Variants in C8orf34 observed in about 807,000 individuals in gnomAD.
C8orf34 encodes uncharacterized protein C8orf34.
C8orf34 carries 65 observed loss-of-function variants against 68.3 expected under a neutral mutation model. The ratio of observed to expected loss-of-function variants is 0.95; its 90% CI spans 0.78 to 1.17. The LOEUF (loss-of-function observed/expected upper bound fraction) is 1.17. C8orf34 is among the 50% of genes most tolerant of loss of function. The pLI is 0.00. For missense variants in C8orf34, 664 were observed against 655.4 expected, an observed-to-expected ratio of 1.01 and a Z score of -0.14; for synonymous variants, 244 against 241.2, an observed-to-expected ratio of 1.01 and a Z score of -0.11.
intron 4 of C8orf34, among the ~76,000 whole-genome samples, chr8:68,469,319 G>T (rs892291839): frequency 6.6e-6 from 1 of 151,734 alleles, no homozygotes; most frequent in African/African-American, 2.4e-5. Flanking sequence ...GAGGGCCTAG[G>T]TTATGGTTTT....
chr8:68,585,547 T>C (rs1817184111), intron 7 of C8orf34, among the ~76,000 whole-genome samples: 1 of 152,172 alleles, frequency 6.6e-6, no homozygotes, highest in South Asian at 2.1e-4. Flanking sequence ...TTCTAAAGCC[T>C]AGTGGCTTAA....
Position 68,585,443 on chromosome 8 carries a change from ATAT to A in C8orf34, c.1105+52296_1105+52298del, listed in dbSNP as rs1817181621. Among the ~76,000 whole-genome samples, 4 of 152,200 alleles carry A rather than the reference ATAT, an allele frequency of 2.6e-5. No individual in the cohort carries two copies. In the South Asian group the frequency reaches 8.3e-4, roughly 31 times the overall value. ...GATTCTCATGTTGGATAAGAGGCAT[ATAT>A]TTGGTAAAATATTGAGATAGTTATG... On this transcript the variant is annotated intron_variant, in intron 7 of 13. Transcript: ENST00000518698.
chr8:68,808,106 C>A (rs970350570), intron 12 of C8orf34, among the ~76,000 whole-genome samples: 3 of 152,102 alleles, frequency 2.0e-5, no homozygotes, highest in Non-Finnish European at 2.9e-5. Context: ...GTGCTCATTT[C>A]TTTTTATTTC....
At chr8:68,700,378 C>T (rs769348182) in intron 8 of C8orf34, among the ~76,000 whole-genome samples, 2 of 151,918 alleles carry the variant, frequency 1.3e-5, no homozygotes, top group South Asian at 4.2e-4. Flanking sequence ...AGGATGAAAG[C>T]GAAGAGCGAG....
chr8:68,424,763 G>T (rs535020082), intron 1 of C8orf34, among the ~76,000 whole-genome samples: 5 of 152,120 alleles, frequency 3.3e-5, no homozygotes, highest in African/African-American at 1.2e-4. Flanking sequence ...AGCTGGGCGT[G>T]GTGGTGGGCG....
intron 12 of C8orf34, among the ~76,000 whole-genome samples, chr8:68,802,162 G>A (rs1223843573): frequency 6.6e-6 from 1 of 151,974 alleles, no homozygotes; most frequent in African/African-American, 2.4e-5. Context: ...ATGGAATGGT[G>A]CAATCTTGGC....
chr8:68,679,793 C>T (rs562968003), intron 8 of C8orf34, among the ~76,000 whole-genome samples: 2 of 152,198 alleles, frequency 1.3e-5, no homozygotes, highest in Admixed American at 6.5e-5. Context: ...AAAGTGAACT[C>T]GTTTTCAACA....
At chr8:68,331,516 A>C in intron 1 of C8orf34, 177 bp downstream of exon 1, 1 of 725,086 alleles carries the variant, frequency 1.4e-6, no homozygotes, top group Non-Finnish European at 2.3e-6. Flanking sequence ...GTGTCCTGGA[A>C]CGCGGCCGGG....
intron 7 of C8orf34, among the ~76,000 whole-genome samples, chr8:68,551,308 A>G (rs1049344587): frequency 6.6e-5 from 10 of 151,910 alleles, no homozygotes; most frequent in Admixed American, 6.6e-4. Flanking sequence ...GAGCTATCAA[A>G]GGTATTCTTC....
At chr8:68,342,469 TAC>T (rs1365113771) in intron 1 of C8orf34, among the ~76,000 whole-genome samples, 1 of 152,218 alleles carries the variant, frequency 6.6e-6, no homozygotes, top group Non-Finnish European at 1.5e-5. Flanking sequence ...ATTTATAGAA[TAC>T]AGAGCTCTCA....
intron 1 of C8orf34, 93 bp downstream of exon 1, chr8:68,331,432 G>A (rs1303094472): frequency 7.3e-7 from 1 of 1,363,978 alleles, no homozygotes; most frequent in African/African-American, 1.4e-5. Flanking sequence ...CCCTCCCAGG[G>A]AAGGAGGGCT....
intron 7 of C8orf34, among the ~76,000 whole-genome samples, chr8:68,537,383 C>T (rs961355394): frequency 1.1e-4 from 15 of 142,256 alleles, no homozygotes; most frequent in Non-Finnish European, 2.1e-4. Flanking sequence ...ATCAGGATAA[C>T]AGAAAAGTTA....
At chr8:68,371,438 CATCTT>C (rs141101314) in intron 1 of C8orf34, among the ~76,000 whole-genome samples, 26,475 of 151,878 alleles carry the variant, frequency 0.17, 3,253 homozygotes, top group African/African-American at 0.35. Flanking sequence ...TTCTATATGA[CATCTT>C]ATAAGAAACA....
chr8:68,664,824 T>G (rs1295360457), intron 8 of C8orf34, among the ~76,000 whole-genome samples: 1 of 152,124 alleles, frequency 6.6e-6, no homozygotes, highest in Non-Finnish European at 1.5e-5. Context: ...CCTGGGAGAT[T>G]CATATTTCAC....
chr8:68,693,870 C>T (rs1329848597), intron 8 of C8orf34, among the ~76,000 whole-genome samples: 1 of 151,974 alleles, frequency 6.6e-6, no homozygotes, highest in Non-Finnish European at 1.5e-5. Flanking sequence ...GTTGCAGCTC[C>T]CATCTGTTGT....
intron 8 of C8orf34, among the ~76,000 whole-genome samples, chr8:68,684,703 C>A (rs1820461172): frequency 6.6e-6 from 1 of 151,722 alleles, no homozygotes; most frequent in African/African-American, 2.4e-5. Flanking sequence ...GCATGTAAAT[C>A]GAGCTCATTT....
rs529574761 is a variant in C8orf34 at position 68,757,782 on chromosome 8, G to A, written c.1405-18617G>A. 2.0e-5 allele frequency among the ~76,000 whole-genome samples: 3 copies of A among 152,278 alleles called. No individual in the cohort carries two copies. The South Asian group carries it at 6.2e-4, about 32-fold the overall frequency. On this transcript the variant is annotated intron_variant, in intron 10 of 13. Coordinates refer to ENST00000518698, the MANE Select transcript of C8orf34 (RefSeq NM_052958.4). Reference sequence around the variant, plus strand: ...ACATAACGTACAATGGATAGAATGTGGACTGTGGAGTTCCAGAGACCCATG... The same window carrying A: ...ACATAACGTACAATGGATAGAATGTAGACTGTGGAGTTCCAGAGACCCATG...
chr8:68,419,432 G>T (rs1368347283), intron 1 of C8orf34, among the ~76,000 whole-genome samples: 42 of 147,670 alleles, frequency 2.8e-4, no homozygotes, highest in African/African-American at 6.4e-4. Context: ...ATTCCTCAGG[G>T]ATCTAGAACT....
At chr8:68,380,301 G>T (rs1398888322) in intron 1 of C8orf34, among the ~76,000 whole-genome samples, 1 of 152,156 alleles carries the variant, frequency 6.6e-6, no homozygotes, top group East Asian at 1.9e-4. Context: ...GCTCCATTTT[G>T]CCATGACAGG....
Sources: gnomAD v4.1 joint callset for allele counts (sites outside exome capture counted in the v4.1 genomes callset) on GRCh38, gnomAD v4.1.1 for gene constraint, MANE v1.5 for transcripts, NCBI Gene and HGNC (gene_info 2026-07-23, HGNC 2026-07-21) for gene names.